EPS8L3: variants seen among roughly 807,000 people sequenced by gnomAD.
EPS8L3 encodes EPS8 signaling adaptor L3.
In EPS8L3, 80 loss-of-function variants were observed where a neutral mutation model predicts 88.5. That is an observed-to-expected ratio of 0.90 (90% CI 0.75 to 1.09). The LOEUF (loss-of-function observed/expected upper bound fraction) is 1.09. EPS8L3 is among the 50% of genes least tolerant of loss of function. The probability of loss-of-function intolerance (pLI) is 0.00; values close to 1 mark genes in which losing one functional copy is unlikely to be tolerated. For missense variants in EPS8L3, 721 were observed against 735.2 expected (o/e 0.98, Z 0.22); for synonymous variants, 286 against 291.0 (o/e 0.98, Z 0.18).
intron 3 of EPS8L3, among the ~76,000 whole-genome samples, chr1:109,760,694 T>C (rs1650824264): frequency 6.6e-6 from 1 of 152,076 alleles, no homozygotes; most frequent in South Asian, 2.1e-4. Context: ...CTAGGGGAGC[T>C]CTGCCTCTGC....
chr1:109,759,140 G>C lies in EPS8L3; in HGVS notation c.406-23C>G, dbSNP rs1381281178. 6.3e-7 allele frequency: 1 copy of C among 1,584,810 alleles called. No homozygotes were observed. The highest frequency in any genetic ancestry group is 1.6e-5 in the African/African-American group (1 of 64,450). ...TGCCTGGGAAGCAGCAGTCAGGCAG[G>C]CTAAGTGTGTGTGTGTGTGTGTGTG... On this transcript the variant is annotated intron_variant, in intron 5 of 18. Transcript: ENST00000361965. This position sits in a 1 kb window ranked among gnomAD's most constrained non-coding sequence, Gnocchi z 4.2.
At chr1:109,758,082 C>T in intron 8 of EPS8L3, 24 bp from the exon 9 acceptor site, 1 of 1,604,374 alleles carries the variant, frequency 6.2e-7, no homozygotes, top group Non-Finnish European at 8.5e-7. Context: ...AACCCATGGC[C>T]TTGAACGGGC....
Position 109,752,009 on chromosome 1 carries a change from C to T in EPS8L3, c.1420G>A (p.Gly474Arg), listed in dbSNP as rs1649841784. ...CCAAGCCTCACCTCCAGCTTCTCTC[C>T]CTGGACCACAGTCAGTTCCCGTGGG... ...RNPRELTVVQ[G>R]EKLEVLDHSK... The change falls in exon 15 of 19, where the codon GGA (glycine) becomes AGA (arginine). Residue 474 changes from glycine (G) to arginine (R), a missense_variant. Transcript: ENST00000361965. The T allele has an allele frequency of 6.2e-7, 1 of 1,609,308 alleles. No individual in the cohort carries two copies. The highest frequency in any genetic ancestry group is 1.7e-5 in the Admixed American group (1 of 59,592).
chr1:109,751,864 T>G (rs555425507), intron 15 of EPS8L3, 82 bp from the exon 16 acceptor site: 98 of 1,592,368 alleles, frequency 6.2e-5, no homozygotes, highest in Non-Finnish European at 7.8e-5. Context: ...TCCCTCCAGC[T>G]CTTTCCTACC....
At position 109,755,000 on chromosome 1, in the gene EPS8L3, A is replaced by T. The variant is rs186951528; in HGVS notation, c.1119-1802T>A. Among the ~76,000 whole-genome samples, 15 of 152,394 alleles carry T rather than the reference A, an allele frequency of 9.8e-5. No homozygotes were observed. In the East Asian group the frequency reaches 2.7e-3, roughly 27 times the overall value. On this transcript the variant is annotated intron_variant, in intron 12 of 18. Coordinates refer to ENST00000361965, the MANE Select transcript of EPS8L3 (RefSeq NM_133181.4). ...ATGGGTGGAAACAACCCATCTGTCC[A>T]TCAACAGATGAATACATAAATAAAA...
At chr1:109,763,434 G>T (rs1001333017) in intron 1 of EPS8L3, among the ~76,000 whole-genome samples, 13 of 152,182 alleles carry the variant, frequency 8.5e-5, no homozygotes, top group Admixed American at 3.9e-4. Flanking sequence ...TCAAGGTGGG[G>T]AAACAGCTGC....
chr1:109,751,195 T>C, intron 17 of EPS8L3, 83 bp downstream of exon 17: 1 of 1,222,824 alleles, frequency 8.2e-7, no homozygotes. Flanking sequence ...GTAGGCCAGG[T>C]TGTATGTTCT....
At position 109,758,395 on chromosome 1, in the gene EPS8L3, G is replaced by T. The variant is rs1282680264; in HGVS notation, c.638C>A (p.Thr213Asn). The change falls in exon 8 of 19, where the codon ACC (threonine) becomes AAC (asparagine). Residue 213 changes from threonine (T) to asparagine (N), a missense_variant. Coordinates refer to ENST00000361965, the MANE Select transcript of EPS8L3 (RefSeq NM_133181.4). ...PPSPRPLPRH[T>N]SAREPSAFTL... ...AAAGGCACTTGGTTCTCGGGCACTGGTGTGGCGTGGCAGGGGCCTTGGGGA... is the reference window on the plus strand; with the variant it reads ...AAAGGCACTTGGTTCTCGGGCACTGTTGTGGCGTGGCAGGGGCCTTGGGGA... 2 of 1,612,266 alleles carry T rather than the reference G, an allele frequency of 1.2e-6. No individual in the cohort carries two copies. Among genetic ancestry groups the T allele is most frequent in the Non-Finnish European group, 1.7e-6 (2 of 1,179,128 alleles).
intron 12 of EPS8L3, 90 bp downstream of exon 12, chr1:109,756,927 G>A (rs1650337305): frequency 6.5e-7 from 1 of 1,534,784 alleles, no homozygotes; most frequent in South Asian, 1.1e-5. Context: ...TCTGGTTTGT[G>A]ACAACATAGA....
In EPS8L3 at chr1:109,759,164, T is replaced by C. The variant is rs1425799776; in HGVS notation, c.406-47A>G. ...GGCTAAGTGTGTGTGTGTGTGTGTGTGTGTGTGTGTGTGTGTGTGGTGGGG... is the reference window on the plus strand; with the variant it reads ...GGCTAAGTGTGTGTGTGTGTGTGTGCGTGTGTGTGTGTGTGTGTGGTGGGG... On this transcript the variant is annotated intron_variant, in intron 5 of 18. Coordinates refer to ENST00000361965, the MANE Select transcript of EPS8L3 (RefSeq NM_133181.4). The surrounding 1 kb of genome is among the most constrained non-coding windows in gnomAD (Gnocchi z 4.2). 2 of 1,605,458 alleles carry C rather than the reference T, an allele frequency of 1.2e-6. No homozygotes were observed. The highest frequency in any genetic ancestry group is 1.7e-6 in the Non-Finnish European group (2 of 1,173,370).
intron 12 of EPS8L3, among the ~76,000 whole-genome samples, chr1:109,756,425 A>T (rs911489891): frequency 6.6e-6 from 1 of 152,140 alleles, no homozygotes; most frequent in African/African-American, 2.4e-5. Flanking sequence ...TTTAGAAGAG[A>T]CGGGTTTTCA....
chr1:109,754,595 T>C (rs1198114200), intron 12 of EPS8L3, among the ~76,000 whole-genome samples: 1 of 152,242 alleles, frequency 6.6e-6, no homozygotes, highest in Non-Finnish European at 1.5e-5. Flanking sequence ...TTCGTGGGTA[T>C]TTAAAAAATA....
chr1:109,757,575 C>A lies in EPS8L3; in HGVS notation c.895-20G>T. 1 of 1,601,552 alleles carries A rather than the reference C, an allele frequency of 6.2e-7. No individual in the cohort carries two copies. The highest frequency in any genetic ancestry group is 8.6e-7 in the Non-Finnish European group (1 of 1,169,398). On this transcript the variant is annotated intron_variant, in intron 10 of 18. Coordinates refer to ENST00000361965, the MANE Select transcript of EPS8L3 (RefSeq NM_133181.4). ...CCTTCCCTGGGGACACAGAGCAATG[C>A]CTGTCACCACCCTTCACCCCACCCC...
rs139760745 is a variant in EPS8L3 at position 109,762,485 on chromosome 1, G to A, written c.-24-712C>T. Among the ~76,000 whole-genome samples the A allele has an allele frequency of 3.4e-4, 51 of 152,208 alleles. No homozygotes were observed. In the East Asian group the frequency reaches 9.3e-3, roughly 28 times the overall value. On this transcript the variant is annotated intron_variant, in intron 1 of 18. Coordinates refer to ENST00000361965, the MANE Select transcript of EPS8L3 (RefSeq NM_133181.4). ...GGACCATCCAACCCCACCCTGCCCA[G>A]GGTACCCTCCTAATGCTGCACTGGA...
chr1:109,754,683 G>A (rs1175974975), intron 12 of EPS8L3, among the ~76,000 whole-genome samples: 1 of 152,118 alleles, frequency 6.6e-6, no homozygotes, highest in Non-Finnish European at 1.5e-5. Context: ...TGGTGTATTC[G>A]ACCTGGTTAT....
At position 109,759,181 on chromosome 1, in the gene EPS8L3, GT is replaced by G; in HGVS notation, c.405+56del. 1.3e-5 allele frequency: 20 copies of G among 1,542,538 alleles called. No homozygotes were observed. Among genetic ancestry groups the G allele is most frequent in the Non-Finnish European group, 1.7e-5 (19 of 1,122,004 alleles). On this transcript the variant is annotated intron_variant, in intron 5 of 18. Transcript: ENST00000361965. The surrounding 1 kb of genome is among the most constrained non-coding windows in gnomAD (Gnocchi z 4.2). ...TGTGTGTGTGTGTGTGTGTGTGTGT[GT>G]GGTGGGGTGATGGTCGATGAACCCC...
At chr1:109,761,675 G>A (rs544923915) in intron 2 of EPS8L3, 44 bp downstream of exon 2, 1 of 1,612,802 alleles carries the variant, frequency 6.2e-7, no homozygotes, top group African/African-American at 1.3e-5. Flanking sequence ...ACATTCTGGG[G>A]GCTCAGTGGG....
At chr1:109,756,227 G>C (rs549311921) in intron 12 of EPS8L3, among the ~76,000 whole-genome samples, 8 of 152,122 alleles carry the variant, frequency 5.3e-5, no homozygotes, top group Non-Finnish European at 8.8e-5. Context: ...GCTCTCATCC[G>C]TTTGGTTTTT....
chr1:109,751,597 C>T (rs1374146757), intron 16 of EPS8L3, 57 bp downstream of exon 16: 3 of 1,611,474 alleles, frequency 1.9e-6, no homozygotes, highest in African/African-American at 2.7e-5. Context: ...TGAATCCTCC[C>T]CACCCCGACC....
Sources: gnomAD v4.1 joint callset for allele counts (sites outside exome capture counted in the v4.1 genomes callset) on GRCh38, gnomAD v4.1.1 for gene constraint, Gnocchi (gnomAD v3.1) non-coding constraint, MANE v1.5 for transcripts, NCBI Gene and HGNC (gene_info 2026-07-23, HGNC 2026-07-21) for gene names.